GRIA1: variants seen among roughly 807,000 people sequenced by gnomAD.
GRIA1 encodes the protein glutamate ionotropic receptor AMPA type subunit 1, also known as glutamate receptor 1.
GRIA1 carries 31 observed loss-of-function variants against 99.2 expected under a neutral mutation model. The observed-to-expected ratio is 0.31, with a 90% confidence interval of 0.23 to 0.42. The LOEUF (loss-of-function observed/expected upper bound fraction) is 0.42. Among genes scored for constraint, GRIA1 ranks in the 10% least tolerant of loss-of-function variants. The pLI, the probability that GRIA1 is intolerant of heterozygous loss-of-function variation, is 1.00. For synonymous variants in GRIA1, 438 were observed against 432.4 expected (o/e 1.01, Z -0.16); for missense variants, 782 against 1,157.5 (o/e 0.68, Z 4.71).
intron 2 of GRIA1, among the ~76,000 whole-genome samples, chr5:153,596,539 G>T (rs1764447181): frequency 6.6e-6 from 1 of 152,178 alleles, no homozygotes; most frequent in Admixed American, 6.5e-5. Context: ...TTTTCAGGAG[G>T]TTGCACAGGT....
chr5:153,692,888 C>CAAT (rs1166272455), intron 8 of GRIA1, among the ~76,000 whole-genome samples: 2 of 151,816 alleles, frequency 1.3e-5, no homozygotes, highest in African/African-American at 4.8e-5. Context: ...AAAGATCTGC[C>CAAT]AATAAGTAAG....
In GRIA1 at chr5:153,534,101, C is replaced by T. The variant is rs1007238336; in HGVS notation, c.220+40036C>T. Reference sequence around the variant, plus strand: ...TATGCTGGTGCTTGCTATGCTGCCTCGGAAATGTCACCTAACCTAGAAATA... The same window carrying T: ...TATGCTGGTGCTTGCTATGCTGCCTTGGAAATGTCACCTAACCTAGAAATA... On this transcript the variant is annotated intron_variant, in intron 2 of 15. Transcript: ENST00000285900. Among the ~76,000 whole-genome samples, 4 of 152,166 alleles carry T rather than the reference C, an allele frequency of 2.6e-5. No homozygotes were observed. The South Asian group carries it at 8.3e-4, about 32-fold the overall frequency.
chr5:153,562,386 C>T (rs766327540), intron 2 of GRIA1, among the ~76,000 whole-genome samples: 7 of 152,214 alleles, frequency 4.6e-5, no homozygotes, highest in South Asian at 2.1e-4. Flanking sequence ...CCAATTAGCA[C>T]GACCTATTTT....
intron 2 of GRIA1, among the ~76,000 whole-genome samples, chr5:153,586,680 T>C (rs2149381749): frequency 6.6e-6 from 1 of 152,202 alleles, no homozygotes; most frequent in Admixed American, 6.5e-5. Flanking sequence ...GGTGATTAAG[T>C]AAGGTAATAT....
chr5:153,561,505 G>C (rs910575485), intron 2 of GRIA1, among the ~76,000 whole-genome samples: 4 of 152,162 alleles, frequency 2.6e-5, no homozygotes, highest in African/African-American at 9.7e-5. Flanking sequence ...GTAGAGCCTG[G>C]ACAAGTGTCT....
chr5:153,701,641 A>AAAAAAAAAAAAAAAAAAC (rs1758535003), intron 10 of GRIA1, among the ~76,000 whole-genome samples: 1 of 149,458 alleles, frequency 6.7e-6, no homozygotes, highest in East Asian at 2.0e-4. Flanking sequence ...AAAAAAAAAA[A>AAAAAAAAAAAAAAAAAAC]ATACTATGTT....
chr5:153,559,898 T>C (rs188050851), intron 2 of GRIA1, among the ~76,000 whole-genome samples: 18 of 152,288 alleles, frequency 1.2e-4, no homozygotes, highest in Admixed American at 1.0e-3. Context: ...CTTTGTGCAC[T>C]CCAACCCCAC....
intron 5 of GRIA1, 66 bp from the exon 6 acceptor site, chr5:153,674,434 T>C: frequency 6.4e-7 from 1 of 1,571,368 alleles, no homozygotes; most frequent in Non-Finnish European, 8.7e-7. Flanking sequence ...CCTGTGGTTT[T>C]GGAACAGGTT....
chr5:153,554,483 TG>T (rs1337291562), intron 2 of GRIA1, among the ~76,000 whole-genome samples: 2 of 152,158 alleles, frequency 1.3e-5, no homozygotes, highest in Non-Finnish European at 2.9e-5. Flanking sequence ...AGTGGTTTTT[TG>T]TTGTTGTTGC....
intron 13 of GRIA1, among the ~76,000 whole-genome samples, chr5:153,791,045 T>G (rs1581662610): frequency 6.6e-6 from 1 of 152,162 alleles, no homozygotes; most frequent in South Asian, 2.1e-4. Context: ...ATACAGTGAA[T>G]CTGCTGGAGG....
chr5:153,509,911 A>G (rs1000927197), intron 2 of GRIA1, among the ~76,000 whole-genome samples: 13 of 152,306 alleles, frequency 8.5e-5, no homozygotes, highest in South Asian at 2.1e-4. Context: ...AGAAAATTCA[A>G]TGTTCTTGTT....
At chr5:153,606,845 A>G (rs1765479885) in intron 2 of GRIA1, among the ~76,000 whole-genome samples, 1 of 150,048 alleles carries the variant, frequency 6.7e-6, no homozygotes, top group African/African-American at 2.4e-5. Flanking sequence ...ACTTGACCAT[A>G]ATATCTCCTT....
intron 12 of GRIA1, among the ~76,000 whole-genome samples, chr5:153,766,663 G>A (rs1467511045): frequency 1.3e-5 from 2 of 152,110 alleles, no homozygotes; most frequent in East Asian, 1.9e-4. Context: ...TTAATGTGGT[G>A]GTGTCATTAA....
intron 2 of GRIA1, among the ~76,000 whole-genome samples, chr5:153,502,429 A>G (rs532897328): frequency 2.0e-5 from 3 of 152,278 alleles, no homozygotes; most frequent in African/African-American, 7.2e-5. Flanking sequence ...ATACCTATGG[A>G]TGGTTATTAC....
intron 7 of GRIA1, among the ~76,000 whole-genome samples, 161 bp from the exon 8 acceptor site, chr5:153,686,064 C>T (rs1271257469): frequency 6.6e-6 from 1 of 152,180 alleles, no homozygotes; most frequent in Non-Finnish European, 1.5e-5. Context: ...TAATGCATCC[C>T]TTGCCTGTGG....
intron 4 of GRIA1, 111 bp downstream of exon 4, chr5:153,650,625 A>G: frequency 1.0e-6 from 1 of 967,016 alleles, no homozygotes; most frequent in Admixed American, 2.9e-5. Context: ...GTTCTTGACT[A>G]GGTGAGACTA....
intron 7 of GRIA1, among the ~76,000 whole-genome samples, chr5:153,678,888 C>T (rs561036301): frequency 1.2e-4 from 18 of 152,348 alleles, no homozygotes; most frequent in African/African-American, 4.1e-4. Flanking sequence ...AGCTCTCCTG[C>T]TGCCTTCCCT....
chr5:153,684,000 C>T (rs536388764), intron 7 of GRIA1, among the ~76,000 whole-genome samples: 78 of 152,266 alleles, frequency 5.1e-4, no homozygotes, highest in Non-Finnish European at 9.3e-4. Flanking sequence ...TGAAGCCTAG[C>T]ACAATAGCAC....
intron 2 of GRIA1, among the ~76,000 whole-genome samples, chr5:153,606,197 T>C (rs1000355985): frequency 7.2e-5 from 11 of 152,126 alleles, no homozygotes; most frequent in Admixed American, 7.2e-4. Context: ...AGATCACCTT[T>C]TCTCCACTAA....
Sources: allele counts gnomAD v4.1 joint callset (sites outside exome capture counted in the v4.1 genomes callset), GRCh38; gene constraint gnomAD v4.1.1; transcripts MANE v1.5; gene names NCBI Gene and HGNC (gene_info 2026-07-23, HGNC 2026-07-21).